The following PGBD2 variants were observed in gnomAD, a reference collection of about 807,000 sequenced individuals.
PGBD2 encodes piggyBac transposable element-derived protein 2.
Under a neutral mutation model 8.1 loss-of-function variants are expected in PGBD2, and 6 were observed. That is an observed-to-expected ratio of 0.74 (90% CI 0.40 to 1.46). The LOEUF (loss-of-function observed/expected upper bound fraction) is 1.46. Among genes scored for constraint, PGBD2 ranks in the 40% most tolerant of loss-of-function variants. PGBD2 has a pLI of 0.02. For missense variants in PGBD2, 802 were observed against 739.0 expected, an observed-to-expected ratio of 1.09 and a Z score of -0.99; for synonymous variants, 318 against 272.2, an observed-to-expected ratio of 1.17 and a Z score of -1.66.
chr1:248,914,769 C>A (rs1572278091), intron 2 of PGBD2, among the ~76,000 whole-genome samples: 1 of 152,180 alleles, frequency 6.6e-6, no homozygotes, highest in Non-Finnish European at 1.5e-5. Context: ...GGTTCACCCC[C>A]ACCCCTGGGG....
chr1:248,924,252 T>C (rs1383262991), downstream of PGBD2, among the ~76,000 whole-genome samples: 12 of 152,226 alleles, frequency 7.9e-5, no homozygotes, highest in African/African-American at 9.6e-5. Flanking sequence ...GCGCTTTTTT[T>C]CTAAGTGTGG....
the PGBD2 span, among the ~76,000 whole-genome samples, chr1:248,878,203 G>T: frequency 6.7e-6 from 1 of 149,834 alleles, no homozygotes; most frequent in Non-Finnish European, 1.5e-5. Context: ...TTTTTGAGAC[G>T]GAGTCTCGCT....
At chr1:248,905,631 A>G (rs896200375), upstream of PGBD2, among the ~76,000 whole-genome samples, 3 of 152,196 alleles carry the variant, frequency 2.0e-5, no homozygotes, top group African/African-American at 7.2e-5. Context: ...TGTGAATCTT[A>G]GATGAACAAC....
the PGBD2 span, among the ~76,000 whole-genome samples, chr1:248,875,857 CA>C: frequency 1.3e-5 from 2 of 152,062 alleles, no homozygotes; most frequent in African/African-American, 2.4e-5. Flanking sequence ...TGAAATAATT[CA>C]AATTGCTACA....
At chr1:248,903,557 T>G (rs2103097970), upstream of PGBD2, among the ~76,000 whole-genome samples, 1 of 152,316 alleles carries the variant, frequency 6.6e-6, no homozygotes, top group African/African-American at 2.4e-5. Context: ...AATTCAATTG[T>G]CATCGGAATG....
At chr1:248,920,460 T>G (rs1047640769), downstream of PGBD2, among the ~76,000 whole-genome samples, 3 of 152,246 alleles carry the variant, frequency 2.0e-5, no homozygotes, top group Admixed American at 6.5e-5. Context: ...TCCATGTCCC[T>G]GCAAAGGACA....
At chr1:248,924,599 T>C (rs1046317969), downstream of PGBD2, among the ~76,000 whole-genome samples, 1 of 152,272 alleles carries the variant, frequency 6.6e-6, no homozygotes, top group African/African-American at 2.4e-5. Context: ...TTGAAATGTT[T>C]GTGAATTTCC....
At chr1:248,893,749 T>C in the PGBD2 span, among the ~76,000 whole-genome samples, 2 of 152,250 alleles carry the variant, frequency 1.3e-5, no homozygotes, top group Admixed American at 1.3e-4. Context: ...TTTGGCTACA[T>C]ACCCACAAGT....
chr1:248,876,559 T>C, the PGBD2 span, among the ~76,000 whole-genome samples: 1 of 152,218 alleles, frequency 6.6e-6, no homozygotes, highest in Non-Finnish European at 1.5e-5. Flanking sequence ...GCTATAAATA[T>C]AGGTAAGTGG....
At chr1:248,889,997 A>G in the PGBD2 span, among the ~76,000 whole-genome samples, 1 of 144,828 alleles carries the variant, frequency 6.9e-6, no homozygotes, top group Non-Finnish European at 1.5e-5. Context: ...GTGTGATCTC[A>G]GCTCACCACA....
At chr1:248,892,051 C>G in the PGBD2 span, among the ~76,000 whole-genome samples, 14 of 152,186 alleles carry the variant, frequency 9.2e-5, no homozygotes, top group Admixed American at 7.2e-4. Context: ...TATTCAAGCA[C>G]AAAGTTGAGG....
chr1:248,893,147 T>G, the PGBD2 span, among the ~76,000 whole-genome samples: 1 of 152,352 alleles, frequency 6.6e-6, no homozygotes, highest in East Asian at 1.9e-4. Context: ...TGCATACTCA[T>G]GTTACCATCA....
chr1:248,913,833 G>A lies in PGBD2; in HGVS notation c.-30G>A, dbSNP rs1661996261. Reference sequence around the variant, plus strand: ...TCTTACAGGTTCTTAGACTCTGTGAGTAAAGACAGCTTCATCTTCCCAGTT... The same window carrying A: ...TCTTACAGGTTCTTAGACTCTGTGAATAAAGACAGCTTCATCTTCCCAGTT... On this transcript the variant is annotated 5_prime_UTR_variant, in exon 2 of 3. Coordinates refer to ENST00000329291, the MANE Select transcript of PGBD2 (RefSeq NM_170725.3). 7 of 1,593,520 alleles carry A rather than the reference G, an allele frequency of 4.4e-6. No individual in the cohort carries two copies. Among genetic ancestry groups the A allele is most frequent in the Admixed American group, 1.7e-5 (1 of 59,948 alleles).
downstream of PGBD2, among the ~76,000 whole-genome samples, chr1:248,921,744 A>C (rs1662291249): frequency 6.6e-6 from 1 of 152,070 alleles, no homozygotes; most frequent in Non-Finnish European, 1.5e-5. Flanking sequence ...CATTTTCACG[A>C]TATTGATTCT....
At chr1:248,892,903 T>A in the PGBD2 span, among the ~76,000 whole-genome samples, 1 of 152,224 alleles carries the variant, frequency 6.6e-6, no homozygotes, top group Admixed American at 6.5e-5. Flanking sequence ...CACCCAGGCT[T>A]GAGTGTCCTT....
the PGBD2 span, among the ~76,000 whole-genome samples, chr1:248,873,721 G>T: frequency 1.4e-3 from 208 of 152,338 alleles, no homozygotes; most frequent in African/African-American, 4.9e-3. Context: ...CCAGAGCTCC[G>T]CCGGGAACGG....
intron 2 of PGBD2, among the ~76,000 whole-genome samples, chr1:248,916,214 C>A (rs1164545382): frequency 2.6e-5 from 4 of 152,008 alleles, no homozygotes; most frequent in Admixed American, 6.5e-5. Flanking sequence ...GAGATCCATA[C>A]CATCCTGACT....
the PGBD2 span, among the ~76,000 whole-genome samples, chr1:248,873,753 C>T: frequency 1.4e-4 from 21 of 152,334 alleles, no homozygotes; most frequent in South Asian, 1.5e-3. Context: ...ACGTCGCGAC[C>T]AGTCAGTAGG....
chr1:248,906,843 C>T (rs914705346), intron 1 of PGBD2, among the ~76,000 whole-genome samples: 1 of 151,908 alleles, frequency 6.6e-6, no homozygotes, highest in Non-Finnish European at 1.5e-5. Flanking sequence ...GCCCTTCTTT[C>T]TCTTTTGCTA....
Sources: allele counts gnomAD v4.1 joint callset (sites outside exome capture counted in the v4.1 genomes callset), GRCh38; gene constraint gnomAD v4.1.1; transcripts MANE v1.5; gene names NCBI Gene and HGNC (gene_info 2026-07-23, HGNC 2026-07-21).